IGF2BP2: variants seen among roughly 807,000 people sequenced by gnomAD.
IGF2BP2 encodes insulin-like growth factor 2 mRNA-binding protein 2.
In IGF2BP2, 17 loss-of-function variants were observed where a neutral mutation model predicts 75.8. The ratio of observed to expected loss-of-function variants is 0.22; its 90% CI spans 0.15 to 0.34. The LOEUF (loss-of-function observed/expected upper bound fraction) is 0.34. Ranked by LOEUF, IGF2BP2 falls within the 10% of genes least tolerant of loss-of-function variation. The pLI is 1.00. For synonymous variants in IGF2BP2, 288 were observed against 295.6 expected, an observed-to-expected ratio of 0.97 and a Z score of 0.26; for missense variants, 516 against 772.4, an observed-to-expected ratio of 0.67 and a Z score of 3.93.
intron 2 of IGF2BP2, among the ~76,000 whole-genome samples, chr3:185,758,772 T>A (rs1300998329): frequency 6.6e-6 from 1 of 152,224 alleles, no homozygotes; most frequent in East Asian, 1.9e-4. Flanking sequence ...TTCACTGACA[T>A]CATAAGCAAC....
chr3:185,759,950 A>G (rs1732132997), intron 2 of IGF2BP2, among the ~76,000 whole-genome samples: 1 of 152,214 alleles, frequency 6.6e-6, no homozygotes. Flanking sequence ...CATCTATACC[A>G]TACCCACTGG....
At chr3:185,689,178 G>C in intron 6 of IGF2BP2, 177 bp downstream of exon 6, 1 of 647,652 alleles carries the variant, frequency 1.5e-6, no homozygotes, top group Non-Finnish European at 2.6e-6. Context: ...ATGAAAGCTT[G>C]TCACAGCCCC....
intron 10 of IGF2BP2, 46 bp from the exon 11 acceptor site, chr3:185,658,455 T>C: frequency 6.5e-7 from 1 of 1,547,478 alleles, no homozygotes. Flanking sequence ...TCTCAGGGAC[T>C]GTCACTGGCC....
intron 2 of IGF2BP2, among the ~76,000 whole-genome samples, chr3:185,799,598 A>G (rs1016374297): frequency 7.9e-5 from 12 of 152,102 alleles, no homozygotes; most frequent in African/African-American, 2.9e-4. Context: ...AAAATACAAA[A>G]AAAATTAGCT....
chr3:185,678,999 G>C (rs1719966308), intron 7 of IGF2BP2, among the ~76,000 whole-genome samples: 1 of 152,026 alleles, frequency 6.6e-6, no homozygotes, highest in African/African-American at 2.4e-5. Flanking sequence ...TTTACTTTCA[G>C]CCTATATGTG....
At chr3:185,704,318 T>C (rs1382118014) in intron 2 of IGF2BP2, among the ~76,000 whole-genome samples, 1 of 152,156 alleles carries the variant, frequency 6.6e-6, no homozygotes. Context: ...TATTCCTCAT[T>C]AGTTTGAAAG....
At chr3:185,685,485 G>A (rs1228061084) in intron 7 of IGF2BP2, among the ~76,000 whole-genome samples, 1 of 152,110 alleles carries the variant, frequency 6.6e-6, no homozygotes, top group Non-Finnish European at 1.5e-5. Flanking sequence ...AAAGGATAGA[G>A]TCTCTTATGA....
intron 2 of IGF2BP2, among the ~76,000 whole-genome samples, chr3:185,758,727 T>A (rs1731961807): frequency 6.6e-6 from 1 of 152,162 alleles, no homozygotes; most frequent in African/African-American, 2.4e-5. Context: ...CACGTATCTA[T>A]CACTAAAGGC....
chr3:185,700,844 C>A (rs1259962264), intron 2 of IGF2BP2, among the ~76,000 whole-genome samples: 1 of 151,898 alleles, frequency 6.6e-6, no homozygotes, highest in Admixed American at 6.6e-5. Context: ...CATAATACAG[C>A]TGAATATAGA....
In IGF2BP2 at chr3:185,726,621, A is replaced by G. The variant is rs1023993373; in HGVS notation, c.240-28274T>C. Among the ~76,000 whole-genome samples, 118 of 152,180 alleles carry G rather than the reference A, an allele frequency of 7.8e-4. 1 individual carries two copies. Among genetic ancestry groups the G allele is most frequent in the Non-Finnish European group, 5.3e-4 (36 of 68,034 alleles). ...CAGCCTTCAGAGAACAGTTCTTAAC[A>G]TTTGCTGAACTCTCCAGCATTCCTG... On this transcript the variant is annotated intron_variant, in intron 2 of 15. Coordinates refer to ENST00000382199, the MANE Select transcript of IGF2BP2 (RefSeq NM_006548.6).
At chr3:185,787,368 G>A (rs945170012) in intron 2 of IGF2BP2, among the ~76,000 whole-genome samples, 2 of 152,026 alleles carry the variant, frequency 1.3e-5, no homozygotes, top group Non-Finnish European at 2.9e-5. Flanking sequence ...AATATTTAAC[G>A]TTTGTTCAAT....
chr3:185,788,709 AC>A (rs1736213131), intron 2 of IGF2BP2, among the ~76,000 whole-genome samples: 1 of 131,562 alleles, frequency 7.6e-6, no homozygotes, highest in African/African-American at 3.0e-5. Context: ...CTGACAAACG[AC>A]TTTTTTTTTT....
At chr3:185,759,459 G>GT (rs1438782325) in intron 2 of IGF2BP2, among the ~76,000 whole-genome samples, 4 of 152,206 alleles carry the variant, frequency 2.6e-5, no homozygotes, top group Admixed American at 6.5e-5. Flanking sequence ...GACACTAAAT[G>GT]TAAGTATTCA....
intron 2 of IGF2BP2, among the ~76,000 whole-genome samples, chr3:185,798,632 C>T (rs990080446): frequency 6.6e-6 from 1 of 151,952 alleles, no homozygotes; most frequent in South Asian, 2.1e-4. Flanking sequence ...ACGTTAACAC[C>T]CAAATATAAC....
At chr3:185,698,921 T>A (rs1039446600) in intron 2 of IGF2BP2, among the ~76,000 whole-genome samples, 1 of 152,148 alleles carries the variant, frequency 6.6e-6, no homozygotes, top group African/African-American at 2.4e-5. Flanking sequence ...CTCAAGTGAT[T>A]CTCCTGCCTC....
intron 1 of IGF2BP2, among the ~76,000 whole-genome samples, chr3:185,823,606 G>A (rs911817021): frequency 6.6e-6 from 1 of 151,922 alleles, no homozygotes; most frequent in African/African-American, 2.4e-5. Flanking sequence ...GCTCCACCGG[G>A]CTCCCCTCCC....
chr3:185,694,070 G>A (rs1560306850), intron 4 of IGF2BP2, among the ~76,000 whole-genome samples: 1 of 152,148 alleles, frequency 6.6e-6, no homozygotes, highest in Admixed American at 6.6e-5. Flanking sequence ...TGGGTTGCAG[G>A]GAGTTGTATG....
At chr3:185,786,075 T>C (rs1210328647) in intron 2 of IGF2BP2, among the ~76,000 whole-genome samples, 1 of 139,740 alleles carries the variant, frequency 7.2e-6, no homozygotes, top group Non-Finnish European at 1.5e-5. Flanking sequence ...CCTAATGAGC[T>C]AATTAAACTT....
At chr3:185,723,710 T>C (rs1295794550) in intron 2 of IGF2BP2, among the ~76,000 whole-genome samples, 1 of 152,256 alleles carries the variant, frequency 6.6e-6, no homozygotes, top group East Asian at 1.9e-4. Context: ...GCTCCCAGGC[T>C]AGTGAGGGTC....
Sources: gnomAD v4.1 joint callset for allele counts (sites outside exome capture counted in the v4.1 genomes callset) on GRCh38, gnomAD v4.1.1 for gene constraint, MANE v1.5 for transcripts, NCBI Gene and HGNC (gene_info 2026-07-23, HGNC 2026-07-21) for gene names.